HOOK1: variants seen among roughly 807,000 people sequenced by gnomAD.
HOOK1 encodes the protein protein Hook homolog 1.
A neutral mutation model predicts 112.8 loss-of-function variants in HOOK1; 60 were observed. The ratio of observed to expected loss-of-function variants is 0.53; its 90% confidence interval spans 0.43 to 0.66. The LOEUF (loss-of-function observed/expected upper bound fraction) is 0.66. Ranked by LOEUF, HOOK1 falls within the 30% of genes least tolerant of loss-of-function variation. The pLI is 0.00. For synonymous variants in HOOK1, 294 were observed against 283.8 expected (o/e 1.04, Z -0.36); for missense variants, 770 against 856.0 (o/e 0.90, Z 1.25).
At chr1:59,825,840 A>G (rs2098389484) in intron 2 of HOOK1, among the ~76,000 whole-genome samples, 1 of 152,202 alleles carries the variant, frequency 6.6e-6, no homozygotes, top group African/African-American at 2.4e-5. Flanking sequence ...ATAAGCATGG[A>G]CATAAAGTGT....
intron 7 of HOOK1, 88 bp from the exon 8 acceptor site, chr1:59,840,220 G>A: frequency 1.4e-6 from 1 of 715,826 alleles, no homozygotes; most frequent in African/African-American, 1.8e-5. Flanking sequence ...CAGTGTATAT[G>A]TGTGTTGTGA....
chr1:59,834,582 C>T (rs183249906), intron 5 of HOOK1, among the ~76,000 whole-genome samples: 49 of 152,154 alleles, frequency 3.2e-4, no homozygotes, highest in Non-Finnish European at 4.6e-4. Flanking sequence ...GACATTTGCT[C>T]ATGGAAGGTT....
rs148848979 is a variant in HOOK1, at chr1:59,865,881, T to C, written c.1754T>C (p.Ile585Thr). 3.4e-4 allele frequency: 533 copies of C among 1,553,234 alleles called. No individual in the cohort carries two copies. The highest frequency in any genetic ancestry group is 4.4e-4 in the Non-Finnish European group (499 of 1,137,802). ...QPDINQNVQKINELEAALQKK... is the reference protein window; with the variant it reads ...QPDINQNVQKTNELEAALQKK... The stretch of plus-strand genomic sequence containing the variant: ...TTATTTTTACTAATAGTACAAAAGA[T>C]CAATGAACTTGAAGCTGCTCTTCAG... Residue 585 changes from isoleucine (I) to threonine (T), a missense_variant, in exon 19 of 22, where the codon ATC (isoleucine) becomes ACC (threonine). Physicochemically the swap from Ile to Thr is moderately conservative, Grantham distance 89. Around this residue, in one of 3 missense-constraint regions of HOOK1, gnomAD observed 655 missense variants for 725.9 expected, o/e 0.90. Coordinates refer to ENST00000371208, the MANE Select transcript of HOOK1 (RefSeq NM_015888.6).
Position 59,872,932 on chromosome 1 carries a change from C to T in HOOK1, c.2154C>T (p.Leu718=), listed in dbSNP as rs1230638951. The T allele has an allele frequency of 3.3e-6, 5 of 1,519,026 alleles. No individual in the cohort carries two copies. Among genetic ancestry groups the T allele is most frequent in the African/African-American group, 2.8e-5 (2 of 72,262 alleles). 94.1% of individuals were successfully genotyped at this position (1,519,026 alleles called of 1,614,324 possible). The stretch of plus-strand genomic sequence containing the variant: ...ACATCACCAACACCAGAAGAAATCT[C>T]TCTGTTAAAGTCCCTGCTACAACAT... ...QRHITNTRRN[L]SVKVPATTSD Residue 718 remains leucine (L), a synonymous_variant, in exon 22 of 22, where the codon CTC becomes CTT. Coordinates refer to ENST00000371208, the MANE Select transcript of HOOK1 (RefSeq NM_015888.6).
intron 12 of HOOK1, among the ~76,000 whole-genome samples, chr1:59,855,971 T>A (rs2098410407): frequency 4.1e-4 from 32 of 78,828 alleles, no homozygotes; most frequent in African/African-American, 1.2e-3. Context: ...AATTATTATA[T>A]ATATATATAT....
At chr1:59,864,759 AG>A in intron 17 of HOOK1, 93 bp downstream of exon 17, 1 of 816,730 alleles carries the variant, frequency 1.2e-6, no homozygotes, top group Non-Finnish European at 2.0e-6. Flanking sequence ...TGTCTAGAAA[AG>A]CAAATATCCT....
At chr1:59,849,842 G>A (rs576641826) in intron 12 of HOOK1, among the ~76,000 whole-genome samples, 36 of 151,674 alleles carry the variant, frequency 2.4e-4, no homozygotes, top group Admixed American at 4.0e-4. Context: ...TGGACATACG[G>A]CATTTTGTTT....
chr1:59,821,497 G>T (rs1463552734), intron 1 of HOOK1, among the ~76,000 whole-genome samples: 2 of 152,170 alleles, frequency 1.3e-5, no homozygotes, highest in African/African-American at 4.8e-5. Flanking sequence ...AGTTGCAAAT[G>T]TTGGGTTATC....
chr1:59,821,794 A>C, intron 1 of HOOK1, 64 bp from the exon 2 acceptor site: 1 of 1,148,088 alleles, frequency 8.7e-7, no homozygotes, highest in South Asian at 1.9e-5. Flanking sequence ...TTATGTTTGC[A>C]TTTTGTAATG....
chr1:59,839,955 T>C (rs1056392881), intron 7 of HOOK1, among the ~76,000 whole-genome samples: 2 of 152,170 alleles, frequency 1.3e-5, no homozygotes, highest in Non-Finnish European at 2.9e-5. Context: ...AATCATGTGG[T>C]TTTTGTCATT....
rs1644000552 is a variant in HOOK1 at position 59,868,252 on chromosome 1, A to G, written c.1848A>G (p.Val616=). ...YKMYLEKARN[V]IKTLDPKLNP... Reference sequence around the variant, plus strand: ...ATAGTATTTTTTTCTTTAAACAGGTAATAAAAACTTTGGATCCCAAGTTAA... The same window carrying G: ...ATAGTATTTTTTTCTTTAAACAGGTGATAAAAACTTTGGATCCCAAGTTAA... Residue 616 remains valine, a splice_region_variant and synonymous_variant, in exon 20 of 22, where the codon GTA becomes GTG. Coordinates refer to ENST00000371208, the MANE Select transcript of HOOK1 (RefSeq NM_015888.6). The G allele has an allele frequency of 1.3e-6, 2 of 1,552,228 alleles. No homozygotes were observed. Among genetic ancestry groups the G allele is most frequent in the Non-Finnish European group, 1.8e-6 (2 of 1,126,146 alleles).
At chr1:59,838,167 G>A (rs934953149) in intron 7 of HOOK1, among the ~76,000 whole-genome samples, 1 of 152,140 alleles carries the variant, frequency 6.6e-6, no homozygotes, top group Admixed American at 6.5e-5. Flanking sequence ...GTGTGCATTT[G>A]TCTTTGTAGT....
chr1:59,866,652 TGGGCGAGG>T (rs1289504116), intron 19 of HOOK1, among the ~76,000 whole-genome samples: 1 of 152,176 alleles, frequency 6.6e-6, no homozygotes, highest in Non-Finnish European at 1.5e-5. Context: ...AGATATGTAA[TGGGCGAGG>T]CCTGAAAACA....
chr1:59,859,945 C>T (rs1220164225), intron 14 of HOOK1, among the ~76,000 whole-genome samples: 1 of 151,876 alleles, frequency 6.6e-6, no homozygotes, highest in Non-Finnish European at 1.5e-5. Context: ...TATATGGTAC[C>T]TATAAAATTT....
At chr1:59,845,244 A>G (rs908376001) in intron 9 of HOOK1, among the ~76,000 whole-genome samples, 3 of 151,932 alleles carry the variant, frequency 2.0e-5, no homozygotes, top group Non-Finnish European at 4.4e-5. Context: ...AGCCCTCATA[A>G]CTTAATCACT....
intron 1 of HOOK1, among the ~76,000 whole-genome samples, chr1:59,816,468 AG>A (rs2101996621): frequency 6.6e-6 from 1 of 152,362 alleles, no homozygotes; most frequent in Admixed American, 6.5e-5. Context: ...GACTAATTAA[AG>A]GGTGTATCCG....
chr1:59,870,951 C>G (rs1644046280), intron 20 of HOOK1, 91 bp from the exon 21 acceptor site: 1 of 848,234 alleles, frequency 1.2e-6, no homozygotes, highest in African/African-American at 1.7e-5. Context: ...TTTAGATTCT[C>G]TCAATAATGA....
Position 59,873,176 on chromosome 1 carries a change from G to C in HOOK1, c.*211G>C. ...GCCATCTCTCTGAGGGAGCACATTT[G>C]AATAATTGGAGATGCAGTTATACAC... On this transcript the variant is annotated 3_prime_UTR_variant, in exon 22 of 22. Coordinates refer to ENST00000371208, the MANE Select transcript of HOOK1 (RefSeq NM_015888.6). 2.7e-6 allele frequency: 1 copy of C among 372,194 alleles called. No individual in the cohort carries two copies. The highest frequency in any genetic ancestry group is 4.7e-6 in the Non-Finnish European group (1 of 210,970). 23.1% of individuals were successfully genotyped at this position (372,194 alleles called of 1,614,324 possible).
rs764672442 is a variant in HOOK1 at position 59,848,337 on chromosome 1, A to G, written c.952A>G (p.Lys318Glu). ...TAGGGCTACCTCTGATAAAGCAAATAAACTGGAGTCAACAGTTGAGATATA... is the reference window on the plus strand; with the variant it reads ...TAGGGCTACCTCTGATAAAGCAAATGAACTGGAGTCAACAGTTGAGATATA... ...VLRATSDKAN[K>E]LESTVEIYRQ... The change falls in exon 11 of 22, where the codon AAA (lysine) becomes GAA (glutamate). Residue 318 changes from lysine (K) to glutamate (E), a missense_variant. By Grantham distance (56) the Lys-to-Glu change is moderately conservative (BLOSUM62 1). This residue lies in a region of HOOK1 where 655 missense variants were observed against 725.9 expected (regional missense o/e 0.90). Coordinates refer to ENST00000371208, the MANE Select transcript of HOOK1 (RefSeq NM_015888.6). 1 of 1,610,810 alleles carries G rather than the reference A, an allele frequency of 6.2e-7. No homozygotes were observed. Among genetic ancestry groups the G allele is most frequent in the Non-Finnish European group, 8.5e-7 (1 of 1,177,694 alleles).
Sources: allele counts gnomAD v4.1 joint callset (sites outside exome capture counted in the v4.1 genomes callset), GRCh38; gene constraint gnomAD v4.1.1; regional missense constraint gnomAD v4.1.1; transcripts MANE v1.5; gene names NCBI Gene and HGNC (gene_info 2026-07-23, HGNC 2026-07-21).